The following CTBP2 variants were observed in gnomAD, a reference collection of about 807,000 sequenced individuals.
CTBP2 encodes the protein C-terminal binding protein 2.
In CTBP2, 30 loss-of-function variants were observed where a neutral mutation model predicts 80.3. The ratio of observed to expected loss-of-function variants is 0.37; its 90% CI spans 0.28 to 0.51. CTBP2 has a LOEUF of 0.51. Ranked by LOEUF, CTBP2 falls within the 20% of genes least tolerant of loss-of-function variation. The pLI is 0.93. For missense variants in CTBP2, 1,212 were observed against 1,375.3 expected (o/e 0.88, Z 1.88); for synonymous variants, 594 against 587.4 (o/e 1.01, Z -0.16).
intron 2 of CTBP2, among the ~76,000 whole-genome samples, chr10:125,102,942 T>TGCC (rs1564924700): frequency 6.6e-6 from 1 of 152,182 alleles, no homozygotes; most frequent in Non-Finnish European, 1.5e-5. Flanking sequence ...CCTACGAGGC[T>TGCC]GCCGCAAGAG....
At chr10:125,090,773 TAACAAAACAA>T (rs1035253834) in intron 2 of CTBP2, among the ~76,000 whole-genome samples, 23 of 150,920 alleles carry the variant, frequency 1.5e-4, no homozygotes, top group Non-Finnish European at 2.5e-4. Flanking sequence ...AATAAATAAA[TAACAAAACAA>T]AACAAAACAA....
chr10:125,036,704 TGTGTGTGTGTGTTTGTG>T (rs1958935702), intron 3 of CTBP2, among the ~76,000 whole-genome samples: 2 of 106,818 alleles, frequency 1.9e-5, no homozygotes, highest in South Asian at 3.9e-4. Context: ...TGTGTGTGTG[TGTGTGTGTGTGTTTGTG>T]TGTGTTAGAT....
chr10:125,108,855 C>T (rs1851863207), intron 2 of CTBP2, among the ~76,000 whole-genome samples: 1 of 152,226 alleles, frequency 6.6e-6, no homozygotes, highest in Non-Finnish European at 1.5e-5. Flanking sequence ...CTCTTAAGCT[C>T]TTCCAAAGTG....
chr10:125,065,678 T>C (rs1020371719), intron 2 of CTBP2, among the ~76,000 whole-genome samples: 1 of 152,176 alleles, frequency 6.6e-6, no homozygotes, highest in Non-Finnish European at 1.5e-5. Context: ...CTGCCAGCTC[T>C]TGTGGCCAGC....
At chr10:125,130,692 C>T (rs1041326067) in intron 1 of CTBP2, among the ~76,000 whole-genome samples, 30 of 152,194 alleles carry the variant, frequency 2.0e-4, no homozygotes, top group African/African-American at 6.8e-4. Context: ...GCCTCCACTC[C>T]ATTTTCATTA....
intron 2 of CTBP2, among the ~76,000 whole-genome samples, chr10:125,088,590 G>C (rs1848335376): frequency 6.6e-6 from 1 of 152,124 alleles, no homozygotes; most frequent in African/African-American, 2.4e-5. Context: ...ATAACCTCAG[G>C]ATTGATCACT....
chr10:125,127,333 C>A (rs1424491498), intron 1 of CTBP2, among the ~76,000 whole-genome samples: 1 of 152,188 alleles, frequency 6.6e-6, no homozygotes, highest in Non-Finnish European at 1.5e-5. Flanking sequence ...GTCACTGGAA[C>A]CAACAGGCCT....
At chr10:125,042,939 A>C (rs1326372682) in intron 2 of CTBP2, among the ~76,000 whole-genome samples, 2 of 152,240 alleles carry the variant, frequency 1.3e-5, no homozygotes, top group Non-Finnish European at 2.9e-5. Context: ...ATCACAGGCC[A>C]AACTCCAACC....
chr10:125,031,488 C>CAA (rs11463934), upstream of CTBP2, among the ~76,000 whole-genome samples: 7,137 of 33,458 alleles, frequency 0.21, 1,599 homozygotes, highest in Non-Finnish European at 0.26. Context: ...GACTCCATTT[C>CAA]AAAAAAAAAA....
At chr10:125,068,803 T>C (rs187820661) in intron 2 of CTBP2, among the ~76,000 whole-genome samples, 2 of 152,302 alleles carry the variant, frequency 1.3e-5, no homozygotes, top group African/African-American at 2.4e-5. Context: ...CAGGAGGTAC[T>C]CCCTGAGTCA....
upstream of CTBP2, among the ~76,000 whole-genome samples, chr10:125,031,051 G>A (rs1958131380): frequency 6.6e-6 from 1 of 152,112 alleles, no homozygotes; most frequent in South Asian, 2.1e-4. Context: ...GCAGAAGTTA[G>A]CGGGTAACAC....
chr10:125,144,335 G>A (rs574420768), intron 1 of CTBP2, among the ~76,000 whole-genome samples: 7 of 152,270 alleles, frequency 4.6e-5, no homozygotes, highest in Non-Finnish European at 7.4e-5. Flanking sequence ...TTCGGATCTC[G>A]CTCGATCATT....
rs1591083390 is a variant in CTBP2 at position 125,147,160 on chromosome 10, C to T, written c.-206+13159G>A. On this transcript the variant is annotated intron_variant, in intron 1 of 10. Coordinates refer to the CTBP2 transcript ENST00000337195. ...GTGTGCACAGAGGGAAGGGCAGACA[C>T]AGTTCCTTTTCCTCAACAAATATGC... Among the ~76,000 whole-genome samples the T allele has an allele frequency of 2.0e-5, 3 of 152,306 alleles. No individual in the cohort carries two copies. The South Asian group carries it at 6.2e-4, about 32-fold the overall frequency.
At chr10:125,058,352 C>T (rs898290528) in intron 2 of CTBP2, among the ~76,000 whole-genome samples, 11 of 152,132 alleles carry the variant, frequency 7.2e-5, no homozygotes, top group Non-Finnish European at 1.2e-4. Context: ...TCCTGGGCAC[C>T]GTCCCATAAA....
At chr10:125,097,925 T>C (rs1291935027) in intron 2 of CTBP2, among the ~76,000 whole-genome samples, 1 of 150,974 alleles carries the variant, frequency 6.6e-6, no homozygotes, top group Non-Finnish European at 1.5e-5. Flanking sequence ...AGGTCAGGAG[T>C]TTGAGATCAG....
At chr10:125,064,304 G>A (rs1448400784) in intron 2 of CTBP2, among the ~76,000 whole-genome samples, 2 of 152,112 alleles carry the variant, frequency 1.3e-5, no homozygotes, top group African/African-American at 2.4e-5. Flanking sequence ...TTTCTAATCT[G>A]AATTAGGCCA....
chr10:125,010,767 C>T (rs1442206020), intron 1 of CTBP2, among the ~76,000 whole-genome samples: 1 of 152,102 alleles, frequency 6.6e-6, no homozygotes, highest in African/African-American at 2.4e-5. Flanking sequence ...AAATGAGTGC[C>T]GGGGAATTTA....
intron 1 of CTBP2, among the ~76,000 whole-genome samples, chr10:125,025,044 T>C (rs1957400079): frequency 2.0e-5 from 3 of 152,012 alleles, no homozygotes. Context: ...CTCTGCAGGG[T>C]TGTGAGGTCC....
At chr10:125,114,788 GCCCA>G (rs1261792332) in intron 1 of CTBP2, among the ~76,000 whole-genome samples, 3 of 144,610 alleles carry the variant, frequency 2.1e-5, no homozygotes, top group Admixed American at 7.0e-5. Flanking sequence ...TGGAAGGGGT[GCCCA>G]CCCACCCACC....
Sources: allele counts gnomAD v4.1 joint callset (sites outside exome capture counted in the v4.1 genomes callset), GRCh38; gene constraint gnomAD v4.1.1; transcripts MANE v1.5; gene names NCBI Gene and HGNC (gene_info 2026-07-23, HGNC 2026-07-21).